LY96: variants seen among roughly 807,000 people sequenced by gnomAD.
LY96 encodes the protein lymphocyte antigen 96, also known as myeloid differentiation protein-2.
Under a neutral mutation model 18.9 loss-of-function variants are expected in LY96, and 18 were observed. That is an observed-to-expected ratio of 0.95 (90% CI 0.66 to 1.41). The LOEUF is 1.41. Among genes scored for constraint, LY96 ranks in the 40% most tolerant of loss-of-function variants. LY96 has a pLI of 0.00. For missense variants in LY96, 175 were observed against 182.4 expected (o/e 0.96, Z 0.23); for synonymous variants, 66 against 62.6 (o/e 1.06, Z -0.26).
the LY96 span, among the ~76,000 whole-genome samples, chr8:74,054,626 T>TTCTC: frequency 9.4e-6 from 1 of 106,112 alleles, no homozygotes; most frequent in African/African-American, 3.8e-5. Flanking sequence ...CCTTCTTTCT[T>TTCTC]TCTTTCTTTC....
At chr8:74,013,375 G>GGCCTCCCAAAGT (rs902153881) in intron 3 of LY96, among the ~76,000 whole-genome samples, 5 of 151,866 alleles carry the variant, frequency 3.3e-5, no homozygotes, top group African/African-American at 9.7e-5. Context: ...TGCCTGCCTC[G>GGCCTCCCAAAGT]GCCTCCCAAA....
At chr8:74,019,369 G>C (rs1339339344) in intron 3 of LY96, among the ~76,000 whole-genome samples, 1 of 152,126 alleles carries the variant, frequency 6.6e-6, no homozygotes, top group African/African-American at 2.4e-5. Flanking sequence ...GACTAAACCA[G>C]GAAGAAGTCG....
intron 1 of LY96, among the ~76,000 whole-genome samples, chr8:73,996,364 C>T (rs1318676115): frequency 7.1e-3 from 637 of 89,352 alleles, no homozygotes; most frequent in Non-Finnish European, 0.011. Flanking sequence ...TTCCTTCCTT[C>T]CTTCATTCCT....
At chr8:74,092,918 G>T in the LY96 span, among the ~76,000 whole-genome samples, 2 of 152,100 alleles carry the variant, frequency 1.3e-5, no homozygotes, top group Non-Finnish European at 2.9e-5. Flanking sequence ...CCTCTGAACT[G>T]CCACAATTAT....
At chr8:74,058,588 C>T in the LY96 span, among the ~76,000 whole-genome samples, 10 of 150,552 alleles carry the variant, frequency 6.6e-5, no homozygotes, top group East Asian at 1.9e-4. Flanking sequence ...GGCGCAATCT[C>T]GGCTCACTGC....
chr8:74,090,243 G>A, the LY96 span, among the ~76,000 whole-genome samples: 1 of 152,128 alleles, frequency 6.6e-6, no homozygotes, highest in Non-Finnish European at 1.5e-5. Flanking sequence ...TCAGATTCTA[G>A]GAAAACCATA....
the LY96 span, among the ~76,000 whole-genome samples, chr8:74,081,142 C>CTTCCTTTCTTCTTTCT: frequency 3.2e-5 from 4 of 123,822 alleles, no homozygotes; most frequent in Admixed American, 1.7e-4. Flanking sequence ...TCCTTCCTTC[C>CTTCCTTTCTTCTTTCT]TTCTTTCTTT....
chr8:74,011,720 G>A, intron 3 of LY96, among the ~76,000 whole-genome samples: 1 of 152,056 alleles, frequency 6.6e-6, no homozygotes, highest in Non-Finnish European at 1.5e-5. Context: ...TTAGCCAGGT[G>A]TGGTGGCATG....
At chr8:74,078,218 G>T in the LY96 span, among the ~76,000 whole-genome samples, 223 of 152,246 alleles carry the variant, frequency 1.5e-3, 2 homozygotes, top group East Asian at 0.037. Flanking sequence ...TCAATTTTGA[G>T]TATTATGAAG....
chr8:74,019,562 T>A (rs1816716465), intron 3 of LY96, among the ~76,000 whole-genome samples: 2 of 152,308 alleles, frequency 1.3e-5, no homozygotes, highest in African/African-American at 2.4e-5. Context: ...CCTCCCTAAC[T>A]CATTTTATGA....
intron 3 of LY96, among the ~76,000 whole-genome samples, chr8:74,023,583 C>G (rs1017595799): frequency 6.6e-6 from 1 of 152,092 alleles, no homozygotes; most frequent in African/African-American, 2.4e-5. Flanking sequence ...CGTGGAGGAG[C>G]CCCTGGGTGT....
chr8:74,058,426 A>G, the LY96 span, among the ~76,000 whole-genome samples: 1 of 152,192 alleles, frequency 6.6e-6, no homozygotes, highest in Non-Finnish European at 1.5e-5. Context: ...GAAAAATTTA[A>G]GTTTACTAGA....
the LY96 span, among the ~76,000 whole-genome samples, chr8:74,047,235 C>T: frequency 6.6e-6 from 1 of 152,138 alleles, no homozygotes; most frequent in Admixed American, 6.5e-5. Flanking sequence ...AGATTTGGTC[C>T]TGAATTTGTG....
At chr8:74,068,998 T>C in the LY96 span, among the ~76,000 whole-genome samples, 1 of 152,096 alleles carries the variant, frequency 6.6e-6, no homozygotes, top group Non-Finnish European at 1.5e-5. Flanking sequence ...TTTCACCACG[T>C]TGGTCTCAAA....
At chr8:74,089,258 A>G in the LY96 span, among the ~76,000 whole-genome samples, 1 of 152,216 alleles carries the variant, frequency 6.6e-6, no homozygotes, top group African/African-American at 2.4e-5. Flanking sequence ...ATTTACTCAC[A>G]CATGTTTTAT....
At chr8:73,996,396 T>C (rs1440337609) in intron 1 of LY96, among the ~76,000 whole-genome samples, 95 of 42,290 alleles carry the variant, frequency 2.2e-3, no homozygotes, top group Middle Eastern at 0.022. Flanking sequence ...TTTCTTTCTT[T>C]CTTTCTTTCT....
the LY96 span, among the ~76,000 whole-genome samples, chr8:74,080,342 G>A: frequency 3.3e-5 from 5 of 152,124 alleles, no homozygotes; most frequent in African/African-American, 1.2e-4. Flanking sequence ...GCTGCTCATG[G>A]CCGTGGTTGA....
the LY96 span, among the ~76,000 whole-genome samples, chr8:74,070,582 A>G: frequency 6.6e-6 from 1 of 152,112 alleles, no homozygotes; most frequent in Admixed American, 6.5e-5. Flanking sequence ...TATGTCAGTA[A>G]GTTCCCCTTC....
the LY96 span, among the ~76,000 whole-genome samples, chr8:74,098,642 T>C: frequency 6.6e-6 from 1 of 152,198 alleles, no homozygotes; most frequent in African/African-American, 2.4e-5. Flanking sequence ...AGTGCTGGGA[T>C]TACAAGTGTG....
Sources: allele counts gnomAD v4.1 joint callset (sites outside exome capture counted in the v4.1 genomes callset), GRCh38; gene constraint gnomAD v4.1.1; transcripts MANE v1.5; gene names NCBI Gene and HGNC (gene_info 2026-07-23, HGNC 2026-07-21).